CYP3A5: variants seen among roughly 807,000 people sequenced by gnomAD.
CYP3A5 encodes cytochrome P450 3A5.
A neutral mutation model predicts 55.9 loss-of-function variants in CYP3A5; 51 were observed. The ratio of observed to expected loss-of-function variants is 0.91; its 90% CI spans 0.73 to 1.15. The LOEUF (loss-of-function observed/expected upper bound fraction) is 1.15. Among genes scored for constraint, CYP3A5 ranks in the 50% most tolerant of loss-of-function variants. The pLI is 0.00. For synonymous variants in CYP3A5, 196 were observed against 213.9 expected (o/e 0.92, Z 0.73); for missense variants, 533 against 596.6 (o/e 0.89, Z 1.11).
chr7:99,668,793 G>A (rs1811291875), intron 4 of CYP3A5, among the ~76,000 whole-genome samples: 1 of 152,226 alleles, frequency 6.6e-6, no homozygotes, highest in South Asian at 2.1e-4. Flanking sequence ...TTGTACGCAT[G>A]TGTGGCTTCA....
chr7:99,667,300 C>T (rs559729025), intron 4 of CYP3A5, among the ~76,000 whole-genome samples: 1 of 152,178 alleles, frequency 6.6e-6, no homozygotes, highest in Non-Finnish European at 1.5e-5. Flanking sequence ...TCTCCTGCCT[C>T]TATATCTCAG....
intron 11 of CYP3A5, 53 bp from the exon 12 acceptor site, chr7:99,650,285 T>G: frequency 6.4e-7 from 1 of 1,569,414 alleles, no homozygotes; most frequent in Non-Finnish European, 8.7e-7. Flanking sequence ...AACCACAGAG[T>G]TACATGTTAG....
intron 8 of CYP3A5, chr7:99,663,758 C>T: frequency 8.2e-7 from 1 of 1,222,630 alleles, no homozygotes; most frequent in Non-Finnish European, 1.0e-6. Flanking sequence ...AATTGTTGTG[C>T]CTGATTTCAA....
chr7:99,653,048 T>A lies in CYP3A5; in HGVS notation c.1027-269A>T, dbSNP rs1809342732. 6.6e-6 allele frequency among the ~76,000 whole-genome samples: 1 copy of A among 152,034 alleles called. No individual in the cohort carries two copies. Among genetic ancestry groups the A allele is most frequent in the Non-Finnish European group, 1.5e-5 (1 of 68,012 alleles). ...ATCCTTAGCATGACCATGTAGTGGT[T>A]TTTCTTTCTCATGGGAAGAAATGTG... On this transcript the variant is annotated intron_variant, in intron 10 of 12. Transcript: ENST00000222982. The surrounding 1 kb of genome is among the most constrained non-coding windows in gnomAD (Gnocchi z 4.2).
chr7:99,660,187 C>T (rs1810274728), intron 10 of CYP3A5: 1 of 981,234 alleles, frequency 1.0e-6, no homozygotes, highest in Admixed American at 6.2e-5. Context: ...GGAGCTGTTC[C>T]TGTTTGGCCA....
At chr7:99,651,892 C>T (rs1035059097) in intron 11 of CYP3A5, among the ~76,000 whole-genome samples, 5 of 152,132 alleles carry the variant, frequency 3.3e-5, no homozygotes, top group African/African-American at 7.2e-5. Context: ...CAGATAGGAC[C>T]AGGAGGACCT....
chr7:99,652,546 C>A lies in CYP3A5; in HGVS notation c.1253+7G>T. On this transcript the variant is annotated splice_region_variant and intron_variant, in intron 11 of 12. Coordinates refer to ENST00000222982, the MANE Select transcript of CYP3A5 (RefSeq NM_000777.5). ...AGGGTGAGCTCCATTTCCCTGGAGA[C>A]TTGTACCTTTCAGGGCGGAACTCCT... is the stretch of plus-strand genomic sequence containing the variant. 6.3e-7 allele frequency: 1 copy of A among 1,594,882 alleles called. No individual in the cohort carries two copies. Among genetic ancestry groups the A allele is most frequent in the Non-Finnish European group, 8.6e-7 (1 of 1,167,910 alleles).
At chr7:99,656,009 A>G (rs1226822305) in intron 10 of CYP3A5, among the ~76,000 whole-genome samples, 11 of 152,214 alleles carry the variant, frequency 7.2e-5, no homozygotes, top group Admixed American at 6.5e-4. Context: ...TAGATATACA[A>G]TCATGTCATC....
Position 99,660,482 on chromosome 7 carries a change from A to G in CYP3A5, c.1026+17T>C. The G allele has an allele frequency of 3.1e-6, 5 of 1,594,606 alleles. No homozygotes were observed. The highest frequency in any genetic ancestry group is 4.3e-6 in the Non-Finnish European group (5 of 1,171,356). Reference sequence around the variant, plus strand: ...GGCTTCACCTCTTCCCTTCATCTCCAGGGGTCATCCCCTCACCTTATTGGG... The same window carrying G: ...GGCTTCACCTCTTCCCTTCATCTCCGGGGGTCATCCCCTCACCTTATTGGG... On this transcript the variant is annotated intron_variant, in intron 10 of 12. Coordinates refer to ENST00000222982, the MANE Select transcript of CYP3A5 (RefSeq NM_000777.5).
intron 10 of CYP3A5, 56 bp downstream of exon 10, chr7:99,660,443 G>C: frequency 6.5e-7 from 1 of 1,527,972 alleles, no homozygotes; most frequent in African/African-American, 1.4e-5. Flanking sequence ...GTGGTGAGGA[G>C]GCATTTTTGC....
chr7:99,676,065 G>A (rs761398087), intron 2 of CYP3A5, 50 bp downstream of exon 2: 1 of 1,517,552 alleles, frequency 6.6e-7, no homozygotes, highest in Non-Finnish European at 9.1e-7. Flanking sequence ...ATGGAACTAA[G>A]CTGATGTTTG....
intron 2 of CYP3A5, among the ~76,000 whole-genome samples, chr7:99,675,057 G>T (rs1007270642): frequency 2.0e-5 from 3 of 152,186 alleles, no homozygotes; most frequent in Non-Finnish European, 2.9e-5. Context: ...GAAAGTTAAA[G>T]AAACCAGGAA....
chr7:99,648,821 A>G (rs1006652873), intron 12 of CYP3A5, among the ~76,000 whole-genome samples: 3 of 152,206 alleles, frequency 2.0e-5, no homozygotes, highest in African/African-American at 4.8e-5. Context: ...GCTGTTGTAC[A>G]GTTTAATTAT....
chr7:99,670,447 C>G (rs1455072230), intron 4 of CYP3A5, among the ~76,000 whole-genome samples: 1 of 152,130 alleles, frequency 6.6e-6, no homozygotes, highest in Admixed American at 6.5e-5. Context: ...AAATACGCAG[C>G]CTTGCTTTTC....
At position 99,672,657 on chromosome 7, in the gene CYP3A5, C is replaced by G; in HGVS notation, c.241G>C (p.Val81Leu). 1 of 1,614,102 alleles carries G rather than the reference C, an allele frequency of 6.2e-7. No homozygotes were observed. The change falls in exon 4 of 13, where the codon GTG becomes CTG. Residue 81 changes from valine (V) to leucine (L), a missense_variant. Physicochemically the swap from Val to Leu is conservative, Grantham distance 32. Transcript: ENST00000222982. ...ACGTCGGGATCTGTGATGGCCAGCACAGGGAGTTGACCTTCATACGTTCTG... is the reference window on the plus strand; with the variant it reads ...ACGTCGGGATCTGTGATGGCCAGCAGAGGGAGTTGACCTTCATACGTTCTG... Reference protein sequence around the residue: ...MWGTYEGQLPVLAITDPDVIR... With the variant: ...MWGTYEGQLPLLAITDPDVIR...
chr7:99,666,763 G>C, intron 5 of CYP3A5, 74 bp from the exon 6 acceptor site: 1 of 1,610,078 alleles, frequency 6.2e-7, no homozygotes, highest in Non-Finnish European at 8.5e-7. Context: ...GCTTTCTCCA[G>C]CATGGAGCAG....
At chr7:99,652,429 G>T in intron 11 of CYP3A5, 124 bp downstream of exon 11, 140 of 605,196 alleles carry the variant, frequency 2.3e-4, no homozygotes, top group Middle Eastern at 4.4e-4. Flanking sequence ...TCACTTTTTT[G>T]TGATAAAAAG....
intron 6 of CYP3A5, among the ~76,000 whole-genome samples, chr7:99,666,339 T>C (rs1373108720): frequency 6.6e-6 from 1 of 152,226 alleles, no homozygotes; most frequent in Non-Finnish European, 1.5e-5. Context: ...AAAGTATGTA[T>C]TTAATCTCCC....
chr7:99,666,476 G>A, intron 6 of CYP3A5, 125 bp downstream of exon 6: 1 of 1,051,146 alleles, frequency 9.5e-7, no homozygotes, highest in Non-Finnish European at 1.5e-6. Flanking sequence ...GCTCTTTGGA[G>A]TTGCAGCGCT....
Sources: allele counts gnomAD v4.1 joint callset (sites outside exome capture counted in the v4.1 genomes callset), GRCh38; gene constraint gnomAD v4.1.1; non-coding constraint Gnocchi (gnomAD v3.1); transcripts MANE v1.5; gene names NCBI Gene and HGNC (gene_info 2026-07-23, HGNC 2026-07-21).